Variants in DLGAP2 observed in about 807,000 individuals in gnomAD.
DLGAP2 encodes the protein DLG associated protein 2, also known as disks large-associated protein 2.
In DLGAP2, 26 loss-of-function variants were observed where a neutral mutation model predicts 100.3. The observed-to-expected ratio is 0.26, with a 90% confidence interval of 0.19 to 0.36. The LOEUF (loss-of-function observed/expected upper bound fraction) is 0.36. Among genes scored for constraint, DLGAP2 ranks in the 10% least tolerant of loss-of-function variants. DLGAP2 has a pLI of 1.00. For synonymous variants in DLGAP2, 886 were observed against 630.1 expected, an observed-to-expected ratio of 1.41 and a Z score of -6.08; for missense variants, 1,858 against 1,453.2, an observed-to-expected ratio of 1.28 and a Z score of -4.53.
At chr8:1,590,644 C>G (rs891270551) in intron 6 of DLGAP2, among the ~76,000 whole-genome samples, 3 of 152,250 alleles carry the variant, frequency 2.0e-5, no homozygotes, top group African/African-American at 4.8e-5. Flanking sequence ...TCCACACTCT[C>G]AAATTCCACT....
At chr8:1,423,329 G>C (rs1235220368) in intron 3 of DLGAP2, among the ~76,000 whole-genome samples, 2 of 152,044 alleles carry the variant, frequency 1.3e-5, no homozygotes, top group Non-Finnish European at 2.9e-5. Flanking sequence ...CAGGCACCCG[G>C]GCAGCTCAGG....
intron 1 of DLGAP2, among the ~76,000 whole-genome samples, chr8:888,182 T>C (rs1017010310): frequency 3.3e-5 from 5 of 152,212 alleles, no homozygotes; most frequent in African/African-American, 1.2e-4. Flanking sequence ...AATTAAGCTA[T>C]TGATACTTGT....
rs574934116 is a variant in DLGAP2, at chr8:1,175,910, C to G, written c.74-82941C>G. On this transcript the variant is annotated intron_variant, in intron 2 of 14. Transcript: ENST00000637795. ...CCACATAGCCATGGGGAGGTCGCAT[C>G]CTCCCTCTCGGCTTTGCCATCTGCA... Among the ~76,000 whole-genome samples, 35 of 152,302 alleles carry G rather than the reference C, an allele frequency of 2.3e-4. 1 individual carries two copies. The South Asian group carries it at 6.8e-3, about 30-fold the overall frequency.
At chr8:1,413,097 G>A (rs1159040283) in intron 3 of DLGAP2, among the ~76,000 whole-genome samples, 2 of 152,136 alleles carry the variant, frequency 1.3e-5, no homozygotes, top group Non-Finnish European at 2.9e-5. Flanking sequence ...TTCTCCTAGT[G>A]TCCCTCTGGA....
At chr8:791,803 T>A (rs1822034341) in intron 1 of DLGAP2, among the ~76,000 whole-genome samples, 1 of 152,214 alleles carries the variant, frequency 6.6e-6, no homozygotes, top group South Asian at 2.1e-4. Context: ...CTTTTGCTGG[T>A]GTTTTCTTGT....
intron 3 of DLGAP2, among the ~76,000 whole-genome samples, chr8:1,453,107 T>C (rs918268108): frequency 2.6e-5 from 4 of 152,006 alleles, no homozygotes; most frequent in Non-Finnish European, 5.9e-5. Flanking sequence ...TAGAGGAGAC[T>C]GCTCGGGAGC....
chr8:1,205,200 T>A (rs933481226), intron 2 of DLGAP2, among the ~76,000 whole-genome samples: 2 of 152,312 alleles, frequency 1.3e-5, no homozygotes, highest in Non-Finnish European at 2.9e-5. Flanking sequence ...TTTGTTTTTA[T>A]TTTTTGTAAC....
chr8:1,471,509 C>T (rs962330651), intron 3 of DLGAP2, among the ~76,000 whole-genome samples: 10 of 149,382 alleles, frequency 6.7e-5, no homozygotes, highest in Non-Finnish European at 4.4e-5. Context: ...GCCAACCCAG[C>T]CTCTGCGATG....
chr8:1,632,464 A>C (rs1483133708), intron 7 of DLGAP2, among the ~76,000 whole-genome samples: 1 of 152,180 alleles, frequency 6.6e-6, no homozygotes, highest in Admixed American at 6.5e-5. Flanking sequence ...GTCATGTGGG[A>C]AAGGGAAGGA....
At chr8:1,633,566 T>G (rs899029292) in intron 8 of DLGAP2, among the ~76,000 whole-genome samples, 5 of 152,220 alleles carry the variant, frequency 3.3e-5, no homozygotes, top group African/African-American at 1.2e-4. Context: ...CCTTTAGTTC[T>G]CATGGAAAAC....
chr8:1,097,482 C>T (rs759691219), intron 2 of DLGAP2, among the ~76,000 whole-genome samples: 1 of 136,784 alleles, frequency 7.3e-6, no homozygotes, highest in Non-Finnish European at 1.6e-5. Flanking sequence ...GAGCCTAGGG[C>T]AGGCCTTCAC....
intron 2 of DLGAP2, among the ~76,000 whole-genome samples, chr8:1,164,850 G>A (rs757804447): frequency 3.3e-5 from 5 of 152,202 alleles, no homozygotes; most frequent in Non-Finnish European, 4.4e-5. Flanking sequence ...TGTCAGCGTT[G>A]CTGAGACAGC....
intron 3 of DLGAP2, among the ~76,000 whole-genome samples, chr8:1,318,564 G>A (rs936495583): frequency 6.0e-5 from 9 of 151,014 alleles, no homozygotes; most frequent in Admixed American, 2.0e-4. Context: ...GGGCCGGTTC[G>A]TTACCTCCAG....
intron 2 of DLGAP2, among the ~76,000 whole-genome samples, chr8:921,789 C>G (rs891650630): frequency 6.6e-6 from 1 of 152,218 alleles, no homozygotes; most frequent in African/African-American, 2.4e-5. Context: ...CACGTCCTGG[C>G]TCTTCTGCTC....
chr8:997,466 A>G (rs1385145202), intron 2 of DLGAP2, among the ~76,000 whole-genome samples: 5 of 152,244 alleles, frequency 3.3e-5, no homozygotes, highest in Non-Finnish European at 7.3e-5. Flanking sequence ...AACTGATCAC[A>G]AAGCCTTCTA....
chr8:1,546,930 C>A (rs993786766), intron 4 of DLGAP2, among the ~76,000 whole-genome samples: 1 of 152,264 alleles, frequency 6.6e-6, no homozygotes, highest in African/African-American at 2.4e-5. Context: ...TAGTTCCCTT[C>A]CTGAGGAGAC....
chr8:1,564,808 C>G (rs920425366), intron 5 of DLGAP2, among the ~76,000 whole-genome samples: 1 of 151,920 alleles, frequency 6.6e-6, no homozygotes, highest in Admixed American at 6.6e-5. Context: ...AGGTGGTCAG[C>G]TCTGTACCAC....
intron 6 of DLGAP2, among the ~76,000 whole-genome samples, chr8:1,609,112 A>G (rs1796915102): frequency 7.7e-6 from 1 of 129,214 alleles, no homozygotes; most frequent in Admixed American, 8.3e-5. Flanking sequence ...ATGGAAATGA[A>G]GGAAAAAATG....
chr8:1,300,703 GGTGGCATCCCTC>G (rs1800314789), intron 3 of DLGAP2: 1 of 152,206 alleles, frequency 6.6e-6, no homozygotes, highest in Admixed American at 6.5e-5. Context: ...AGACGGGGAT[GGTGGCATCCCTC>G]GTGTTTTCTG....
Sources: gnomAD v4.1 joint callset for allele counts (sites outside exome capture counted in the v4.1 genomes callset) on GRCh38, gnomAD v4.1.1 for gene constraint, MANE v1.5 for transcripts, NCBI Gene and HGNC (gene_info 2026-07-23, HGNC 2026-07-21) for gene names.